EEPD1: variants seen among roughly 807,000 people sequenced by gnomAD.
EEPD1 encodes endonuclease/exonuclease/phosphatase family domain containing 1, also known as endonuclease/exonuclease/phosphatase family domain-containing protein 1.
In EEPD1, 17 loss-of-function variants were observed where a neutral mutation model predicts 46.3. That is an observed-to-expected ratio of 0.37 (90% CI 0.25 to 0.55). The LOEUF is 0.55. EEPD1 is among the 20% of genes least tolerant of loss of function. The pLI is 0.83. For missense variants in EEPD1, 673 were observed against 745.6 expected (o/e 0.90, Z 1.13); for synonymous variants, 313 against 315.6 (o/e 0.99, Z 0.09).
rs1052280178 is a variant in EEPD1, at chr7:36,155,302, G to A, written c.878+100G>A. 4.4e-6 allele frequency: 6 copies of A among 1,354,500 alleles called. No homozygotes were observed. In the East Asian group the frequency reaches 1.3e-4, roughly 29 times the overall value. 83.9% of individuals were successfully genotyped at this position (1,354,500 alleles called of 1,614,324 possible). A position where few individuals can be genotyped will look rare whatever the true frequency, so the allele number is the denominator to read the frequency against. On this transcript the variant is annotated intron_variant, in intron 2 of 7. Coordinates refer to ENST00000242108, the MANE Select transcript of EEPD1 (RefSeq NM_030636.3). ...ATGGATTCTTTTGCGGGTAGGGAGG[G>A]TGCAAGAGTTTTTAATCAATGTTCT...
intron 3 of EEPD1, among the ~76,000 whole-genome samples, chr7:36,246,496 CT>C (rs1393110796): frequency 6.6e-6 from 1 of 152,196 alleles, no homozygotes; most frequent in Non-Finnish European, 1.5e-5. Flanking sequence ...GTACTATCCC[CT>C]CTACTGCTAA....
intron 2 of EEPD1, among the ~76,000 whole-genome samples, chr7:36,176,371 A>C (rs1785179914): frequency 6.6e-6 from 1 of 152,206 alleles, no homozygotes. Flanking sequence ...AGAAGCAAAG[A>C]AGAGGCAGGG....
intron 3 of EEPD1, among the ~76,000 whole-genome samples, chr7:36,242,210 A>C (rs1456303097): frequency 6.6e-6 from 1 of 152,234 alleles, no homozygotes; most frequent in Non-Finnish European, 1.5e-5. Context: ...GATAGTTCAC[A>C]TAAAGGACTG....
intron 3 of EEPD1, among the ~76,000 whole-genome samples, chr7:36,248,894 A>G (rs942217168): frequency 3.3e-5 from 5 of 151,946 alleles, no homozygotes; most frequent in African/African-American, 4.8e-5. Flanking sequence ...AGCTGCCACT[A>G]GCTCCACTTC....
chr7:36,198,374 G>GAAAAAAAAA (rs1785650764), intron 2 of EEPD1, among the ~76,000 whole-genome samples: 1 of 47,316 alleles, frequency 2.1e-5, no homozygotes, highest in Non-Finnish European at 4.5e-5. Flanking sequence ...ATATTTTCCT[G>GAAAAAAAAA]AAAAACTAAA....
chr7:36,292,486 T>C (rs1053834463), intron 6 of EEPD1, among the ~76,000 whole-genome samples: 1 of 151,528 alleles, frequency 6.6e-6, no homozygotes, highest in Admixed American at 6.6e-5. Context: ...TCTCTCTTTC[T>C]CTCTCTTTTT....
At chr7:36,220,477 G>C (rs1442287266) in intron 2 of EEPD1, among the ~76,000 whole-genome samples, 2 of 152,154 alleles carry the variant, frequency 1.3e-5, no homozygotes, top group South Asian at 4.1e-4. Flanking sequence ...GAACCTCATG[G>C]AAGTTCCATA....
At chr7:36,285,884 G>C (rs965115647) in intron 5 of EEPD1, among the ~76,000 whole-genome samples, 1 of 152,144 alleles carries the variant, frequency 6.6e-6, no homozygotes, top group Non-Finnish European at 1.5e-5. Flanking sequence ...CACCCTGGGG[G>C]TATCTGTCAC....
intron 3 of EEPD1, among the ~76,000 whole-genome samples, chr7:36,244,941 G>GT (rs1207475696): frequency 9.0e-4 from 126 of 140,664 alleles, no homozygotes; most frequent in South Asian, 4.4e-3. Context: ...CCCGGCTAAT[G>GT]TTTTTTTTTT....
intron 2 of EEPD1, among the ~76,000 whole-genome samples, chr7:36,161,566 C>T (rs4723483): frequency 0.16 from 23,850 of 151,942 alleles, 2,023 homozygotes; most frequent in Middle Eastern, 0.23. Context: ...GGGGGAGGTC[C>T]GGGCCCTCCA....
intron 2 of EEPD1, among the ~76,000 whole-genome samples, chr7:36,231,603 A>ACC (rs1041845189): frequency 1.1e-4 from 16 of 151,824 alleles, no homozygotes; most frequent in Non-Finnish European, 1.8e-4. Flanking sequence ...CAGCTTCCTA[A>ACC]CCCCTGCGGG....
At chr7:36,297,309 G>A (rs1411480529) in intron 7 of EEPD1, 122 bp downstream of exon 7, 9 of 1,105,064 alleles carry the variant, frequency 8.1e-6, no homozygotes, top group Non-Finnish European at 1.0e-5. Flanking sequence ...TTACGTGACT[G>A]TATAACTGTC....
chr7:36,223,065 C>T (rs1367473760), intron 2 of EEPD1, among the ~76,000 whole-genome samples: 2 of 151,962 alleles, frequency 1.3e-5, no homozygotes, highest in East Asian at 1.9e-4. Flanking sequence ...ACAGGAGAAT[C>T]GCTTGAACCC....
Position 36,154,349 on chromosome 7 carries a change from C to T in EEPD1, c.25C>T (p.Arg9Cys), listed in dbSNP as rs1244140914. 1 of 1,611,618 alleles carries T rather than the reference C, an allele frequency of 6.2e-7. No homozygotes were observed. Among genetic ancestry groups the T allele is most frequent in the Non-Finnish European group, 8.5e-7 (1 of 1,179,914 alleles). Residue 9 changes from arginine (R) to cysteine (C), a missense_variant, in exon 2 of 8, where the codon CGC becomes TGC. Physicochemically the swap from Arg to Cys is radical, Grantham distance 180. Transcript: ENST00000242108. The surrounding 1 kb of genome is among the most constrained non-coding windows in gnomAD (Gnocchi z 4.2). MGSTLGCH[R>C]SIPRDPSDLS... is the part of the protein sequence containing the mutation. ...CATGGGGAGCACCCTGGGCTGCCACCGCTCCATCCCCAGGGACCCCTCGGA... is the reference window on the plus strand; with the variant it reads ...CATGGGGAGCACCCTGGGCTGCCACTGCTCCATCCCCAGGGACCCCTCGGA...
chr7:36,187,169 A>G lies in EEPD1; in HGVS notation c.878+31967A>G, dbSNP rs112701375. ...TCAACTCCTCTTTACCTCCTTTTCAATTAAGCTTGTATTACCTTTTAAAAA... is the reference window on the plus strand; with the variant it reads ...TCAACTCCTCTTTACCTCCTTTTCAGTTAAGCTTGTATTACCTTTTAAAAA... On this transcript the variant is annotated intron_variant, in intron 2 of 7. Transcript: ENST00000242108. Among the ~76,000 whole-genome samples the G allele has an allele frequency of 6.9e-3, 1,054 of 152,238 alleles. 13 individuals are homozygous for G. Among genetic ancestry groups the G allele is most frequent in the African/African-American group, 0.023 (975 of 41,520 alleles).
At position 36,220,956 on chromosome 7, in the gene EEPD1, C is replaced by T. The variant is rs115865621; in HGVS notation, c.879-18029C>T. On this transcript the variant is annotated intron_variant, in intron 2 of 7. Coordinates refer to ENST00000242108, the MANE Select transcript of EEPD1 (RefSeq NM_030636.3). ...CTCGGATTATAGGTGCCCACCACCACACACCACCACACCTGGCTAATTTTT... is the reference window on the plus strand; with the variant it reads ...CTCGGATTATAGGTGCCCACCACCATACACCACCACACCTGGCTAATTTTT... 9.8e-3 allele frequency among the ~76,000 whole-genome samples: 1,497 copies of T among 152,238 alleles called. 18 individuals are homozygous for T. Among genetic ancestry groups the T allele is most frequent in the African/African-American group, 0.034 (1,410 of 41,540 alleles).
chr7:36,193,221 A>G lies in EEPD1; in HGVS notation c.878+38019A>G, dbSNP rs957346268. On this transcript the variant is annotated intron_variant, in intron 2 of 7. Transcript: ENST00000242108. The surrounding 1 kb of genome is among the most constrained non-coding windows in gnomAD (Gnocchi z 4.9). ...GAGTGGGATGGCAGGGAAGGGTCCC[A>G]GAAGAACTGATGAGGAATGCCAAGG... 6.6e-6 allele frequency among the ~76,000 whole-genome samples: 1 copy of G among 152,328 alleles called. No individual in the cohort carries two copies. Among genetic ancestry groups the G allele is most frequent in the Middle Eastern group, 3.4e-3 (1 of 294 alleles).
chr7:36,168,689 C>T (rs945236061), intron 2 of EEPD1, among the ~76,000 whole-genome samples: 5 of 149,992 alleles, frequency 3.3e-5, no homozygotes, highest in African/African-American at 9.8e-5. Context: ...ACCCAGGAGG[C>T]GGAGCTTGCA....
intron 2 of EEPD1, among the ~76,000 whole-genome samples, chr7:36,177,162 T>A (rs1386763811): frequency 2.6e-5 from 4 of 152,226 alleles, no homozygotes; most frequent in African/African-American, 9.7e-5. Context: ...AGTGGATAAA[T>A]TCTATATGTA....
Sources: allele counts gnomAD v4.1 joint callset (sites outside exome capture counted in the v4.1 genomes callset), GRCh38; gene constraint gnomAD v4.1.1; non-coding constraint Gnocchi (gnomAD v3.1); transcripts MANE v1.5; gene names NCBI Gene and HGNC (gene_info 2026-07-23, HGNC 2026-07-21).